MYO3A: variants seen among roughly 807,000 people sequenced by gnomAD.
MYO3A encodes myosin-IIIa.
Under a neutral mutation model 192.7 loss-of-function variants are expected in MYO3A, and 180 were observed. The ratio of observed to expected loss-of-function variants is 0.93; its 90% CI spans 0.83 to 1.06. The LOEUF (loss-of-function observed/expected upper bound fraction) is 1.06, where lower values mean the gene tolerates loss of function less well. Among genes scored for constraint, MYO3A ranks in the 50% least tolerant of loss-of-function variants. The pLI is 0.00. For missense variants in MYO3A, 1,896 were observed against 1,905.0 expected, an observed-to-expected ratio of 1.00 and a Z score of 0.09; for synonymous variants, 628 against 645.3, an observed-to-expected ratio of 0.97 and a Z score of 0.41.
chr10:25,997,963 A>T (rs1198364728), intron 6 of MYO3A, among the ~76,000 whole-genome samples: 4 of 152,208 alleles, frequency 2.6e-5, no homozygotes, highest in Non-Finnish European at 4.4e-5. Flanking sequence ...AATCCTGAAG[A>T]TGTCTCAGTA....
intron 21 of MYO3A, 62 bp downstream of exon 21, chr10:26,143,663 A>AT (rs1291655288): frequency 1.3e-6 from 2 of 1,579,302 alleles, no homozygotes; most frequent in Non-Finnish European, 1.7e-6. Context: ...ATTCTGAATG[A>AT]TTTTTTAAAT....
At chr10:26,155,638 G>T (rs1285843618) in intron 25 of MYO3A, among the ~76,000 whole-genome samples, 1 of 152,148 alleles carries the variant, frequency 6.6e-6, no homozygotes, top group Non-Finnish European at 1.5e-5. Context: ...AAATATATGA[G>T]TACCTTTACT....
intron 10 of MYO3A, among the ~76,000 whole-genome samples, chr10:26,051,937 A>G (rs1321573114): frequency 6.6e-6 from 1 of 152,234 alleles, no homozygotes; most frequent in Non-Finnish European, 1.5e-5. Flanking sequence ...GCCCTGGAGT[A>G]AGAAATCTTC....
chr10:25,966,234 C>T (rs1470118104), intron 4 of MYO3A, among the ~76,000 whole-genome samples: 2 of 152,104 alleles, frequency 1.3e-5, no homozygotes, highest in Non-Finnish European at 2.9e-5. Flanking sequence ...TGACCTCTGT[C>T]ATTTTATTAC....
At chr10:25,950,413 C>G (rs1554785764) in intron 2 of MYO3A, among the ~76,000 whole-genome samples, 3 of 152,098 alleles carry the variant, frequency 2.0e-5, no homozygotes, top group Non-Finnish European at 1.5e-5. Context: ...AAAGATATCA[C>G]TTTGAAATAG....
intron 6 of MYO3A, among the ~76,000 whole-genome samples, chr10:26,014,321 C>T (rs1349669110): frequency 6.6e-6 from 1 of 151,858 alleles, no homozygotes; most frequent in Admixed American, 6.6e-5. Context: ...GTTGTCTAAC[C>T]AATGTGGAAG....
At chr10:26,122,645 C>T (rs1838944188) in intron 18 of MYO3A, among the ~76,000 whole-genome samples, 1 of 152,062 alleles carries the variant, frequency 6.6e-6, no homozygotes, top group African/African-American at 2.4e-5. Context: ...TTTCAGAAAC[C>T]ACATAACCCA....
At chr10:26,053,554 G>A (rs933094193) in intron 10 of MYO3A, among the ~76,000 whole-genome samples, 2 of 152,164 alleles carry the variant, frequency 1.3e-5, no homozygotes, top group African/African-American at 4.8e-5. Flanking sequence ...AGCTGGGCAC[G>A]GTGGCTCACC....
chr10:26,186,646 G>A (rs1041071215), intron 31 of MYO3A, among the ~76,000 whole-genome samples: 1 of 152,144 alleles, frequency 6.6e-6, no homozygotes, highest in Non-Finnish European at 1.5e-5. Flanking sequence ...TTATCTGCTA[G>A]TAAATTCAGG....
intron 6 of MYO3A, among the ~76,000 whole-genome samples, chr10:26,016,508 A>G (rs74129533): frequency 0.018 from 2,748 of 152,328 alleles, 94 homozygotes; most frequent in African/African-American, 0.062. Context: ...ATCGTTTACA[A>G]TGTAGAAGAT....
chr10:25,952,694 C>T (rs1485658210), intron 3 of MYO3A, among the ~76,000 whole-genome samples: 1 of 151,944 alleles, frequency 6.6e-6, no homozygotes. Context: ...CTAAAGAAGA[C>T]TTTTTAAAAT....
intron 2 of MYO3A, among the ~76,000 whole-genome samples, chr10:25,949,494 TAAG>T (rs1264634072): frequency 7.2e-5 from 11 of 152,130 alleles, no homozygotes; most frequent in Non-Finnish European, 1.6e-4. Context: ...CAAGTAGATG[TAAG>T]AAGTAGTGAT....
intron 10 of MYO3A, among the ~76,000 whole-genome samples, chr10:26,048,321 A>G (rs1043339034): frequency 1.3e-5 from 2 of 151,362 alleles, no homozygotes; most frequent in Non-Finnish European, 2.9e-5. Context: ...TTTACTTTGC[A>G]GTTAGGTAGT....
intron 14 of MYO3A, among the ~76,000 whole-genome samples, chr10:26,076,561 A>T (rs959347882): frequency 2.6e-5 from 4 of 152,130 alleles, no homozygotes; most frequent in Non-Finnish European, 5.9e-5. Flanking sequence ...GTTCTTGGTC[A>T]TGAAATCCTT....
At chr10:26,012,038 A>G (rs2131014067) in intron 6 of MYO3A, among the ~76,000 whole-genome samples, 1 of 152,326 alleles carries the variant, frequency 6.6e-6, no homozygotes, top group South Asian at 2.1e-4. Flanking sequence ...AGCATTTAAC[A>G]GAATCCATCA....
chr10:25,979,421 AAAAAG>A lies in MYO3A; in HGVS notation c.304-17064_304-17060del, dbSNP rs532210792. Among the ~76,000 whole-genome samples, 3 of 151,836 alleles carry A rather than the reference AAAAAG, an allele frequency of 2.0e-5. No individual in the cohort carries two copies. In the East Asian group the frequency reaches 5.8e-4, roughly 29 times the overall value. ...GCTTTTCTTCTATTACCAAAAAAAA[AAAAAG>A]AAAACAGTGACCATACAGAAAAAAG... is the stretch of plus-strand genomic sequence containing the variant. On this transcript the variant is annotated intron_variant, in intron 4 of 34. Transcript: ENST00000642920.
chr10:26,201,432 G>A (rs1589121591), intron 33 of MYO3A, 127 bp downstream of exon 33: 1 of 527,298 alleles, frequency 1.9e-6, no homozygotes, highest in South Asian at 2.5e-5. Flanking sequence ...TGTAATCCCA[G>A]AACTTTGGGA....
intron 18 of MYO3A, among the ~76,000 whole-genome samples, chr10:26,122,680 C>T (rs776783462): frequency 2.0e-5 from 3 of 152,070 alleles, no homozygotes; most frequent in Non-Finnish European, 4.4e-5. Context: ...CTCTCAGTCT[C>T]CCCCTTTCCC....
intron 17 of MYO3A, among the ~76,000 whole-genome samples, chr10:26,110,033 A>G (rs910943321): frequency 6.6e-6 from 1 of 152,218 alleles, no homozygotes; most frequent in African/African-American, 2.4e-5. Context: ...GTTGTACTCT[A>G]GACTCAATGG....
Sources: allele counts gnomAD v4.1 joint callset (sites outside exome capture counted in the v4.1 genomes callset), GRCh38; gene constraint gnomAD v4.1.1; transcripts MANE v1.5; gene names NCBI Gene and HGNC (gene_info 2026-07-23, HGNC 2026-07-21).